The following PTPRD variants were observed in gnomAD, a reference collection of about 807,000 sequenced individuals.
PTPRD encodes the protein receptor-type tyrosine-protein phosphatase delta.
A neutral mutation model predicts 214.5 loss-of-function variants in PTPRD; 34 were observed. The observed-to-expected ratio is 0.16, with a 90% CI of 0.12 to 0.21. The LOEUF (loss-of-function observed/expected upper bound fraction) is 0.21. Ranked by LOEUF, PTPRD falls within the 10% of genes least tolerant of loss-of-function variation. PTPRD has a pLI of 1.00. For synonymous variants in PTPRD, 1,128 were observed against 845.7 expected, an observed-to-expected ratio of 1.33 and a Z score of -5.79; for missense variants, 2,545 against 2,398.7, an observed-to-expected ratio of 1.06 and a Z score of -1.27.
In PTPRD at chr9:8,964,726, G is replaced by A. The variant is rs549433676; in HGVS notation, c.-104+53971C>T. Reference sequence around the variant, plus strand: ...CTTTCCTCTTACCACTGCTTTTGCTGCATCCCAGAGATTTTGTTTTGTTGT... The same window carrying A: ...CTTTCCTCTTACCACTGCTTTTGCTACATCCCAGAGATTTTGTTTTGTTGT... On this transcript the variant is annotated intron_variant, in intron 11 of 45. Coordinates refer to ENST00000381196, the MANE Select transcript of PTPRD (RefSeq NM_002839.4). Among the ~76,000 whole-genome samples, 102 of 152,176 alleles carry A rather than the reference G, an allele frequency of 6.7e-4. 1 individual carries two copies. Among genetic ancestry groups the A allele is most frequent in the African/African-American group, 2.4e-3 (100 of 41,546 alleles).
At chr9:9,587,660 A>G (rs563079665) in intron 7 of PTPRD, among the ~76,000 whole-genome samples, 1 of 152,090 alleles carries the variant, frequency 6.6e-6, no homozygotes, top group South Asian at 2.1e-4. Flanking sequence ...ATCCAAAATT[A>G]GCATTTCTAA....
At chr9:9,049,866 A>G (rs890217525) in intron 10 of PTPRD, among the ~76,000 whole-genome samples, 41 of 152,222 alleles carry the variant, frequency 2.7e-4, no homozygotes, top group Non-Finnish European at 4.9e-4. Flanking sequence ...CTCCATTTCA[A>G]TAAAATGAAA....
rs1171141711 is a variant in PTPRD at position 9,790,428 on chromosome 9, CCTAA to C, written c.-367-23581_-367-23578del. 6.6e-5 allele frequency among the ~76,000 whole-genome samples: 10 copies of C among 152,164 alleles called. No homozygotes were observed. The East Asian group carries it at 1.9e-3, about 29-fold the overall frequency. On this transcript the variant is annotated intron_variant, in intron 5 of 45. Coordinates refer to ENST00000381196, the MANE Select transcript of PTPRD (RefSeq NM_002839.4). ...TTGTTTTCTCTATGAAATCTTAAAA[CCTAA>C]CTAAGGCTTTGCTGCCCACTGCAGG...
At chr9:9,599,863 G>A (rs1310617191) in intron 7 of PTPRD, among the ~76,000 whole-genome samples, 2 of 151,904 alleles carry the variant, frequency 1.3e-5, no homozygotes, top group East Asian at 3.9e-4. Flanking sequence ...AATATTTAAA[G>A]ACTTTATGAA....
intron 6 of PTPRD, among the ~76,000 whole-genome samples, chr9:9,747,957 T>A (rs2098475134): frequency 6.6e-6 from 1 of 152,152 alleles, no homozygotes; most frequent in Non-Finnish European, 1.5e-5. Context: ...TTCCTCTGAG[T>A]CACTGTCCAT....
intron 7 of PTPRD, among the ~76,000 whole-genome samples, chr9:9,733,851 A>C (rs1038968228): frequency 6.6e-6 from 1 of 152,164 alleles, no homozygotes; most frequent in Non-Finnish European, 1.5e-5. Flanking sequence ...CAATGTATGA[A>C]TGTGATAGTG....
chr9:10,011,583 T>C (rs967243459), intron 4 of PTPRD, among the ~76,000 whole-genome samples: 1 of 151,946 alleles, frequency 6.6e-6, no homozygotes, highest in Non-Finnish European at 1.5e-5. Flanking sequence ...TGCTGATAAA[T>C]ACCCAGTGCA....
chr9:9,243,093 T>G (rs1015690317), intron 9 of PTPRD, among the ~76,000 whole-genome samples: 19 of 152,232 alleles, frequency 1.2e-4, no homozygotes, highest in African/African-American at 4.6e-4. Context: ...TGTTGGAGTT[T>G]CCTGGAGGTC....
chr9:10,416,265 G>A (rs1408925358), intron 2 of PTPRD, among the ~76,000 whole-genome samples: 1 of 151,938 alleles, frequency 6.6e-6, no homozygotes, highest in Admixed American at 6.6e-5. Context: ...GGCTGAGGCA[G>A]GAGAATTGCT....
In PTPRD at chr9:8,326,243, C is replaced by A. The variant is rs141443948; in HGVS notation, c.5534+5339G>T. On this transcript the variant is annotated intron_variant, in intron 44 of 45. Coordinates refer to ENST00000381196, the MANE Select transcript of PTPRD (RefSeq NM_002839.4). ...GCTCTTCTTCTTTTGAGATACGTTC[C>A]ATCAGTACCTAGTTTTTTGAGAGTT... is the stretch of plus-strand genomic sequence containing the variant. Among the ~76,000 whole-genome samples the A allele has an allele frequency of 8.9e-3, 1,357 of 152,206 alleles. 7 individuals carry two copies. Among genetic ancestry groups the A allele is most frequent in the East Asian group, 0.026 (135 of 5,182 alleles).
chr9:10,176,191 T>A (rs2099247660), intron 3 of PTPRD, among the ~76,000 whole-genome samples: 1 of 152,012 alleles, frequency 6.6e-6, no homozygotes, highest in Non-Finnish European at 1.5e-5. Flanking sequence ...ATATTACATG[T>A]AAATCCAGTA....
chr9:9,756,958 A>G (rs866671242), intron 6 of PTPRD, among the ~76,000 whole-genome samples: 1 of 152,178 alleles, frequency 6.6e-6, no homozygotes, highest in Non-Finnish European at 1.5e-5. Context: ...AGCTCATTTT[A>G]CCTGGAAAGT....
chr9:10,236,249 G>A (rs10958968), intron 3 of PTPRD, among the ~76,000 whole-genome samples: 51,720 of 151,490 alleles, frequency 0.34, 11,198 homozygotes, highest in Non-Finnish European at 0.49. Context: ...GTTTGATACA[G>A]ATTTAATTGG....
chr9:10,438,531 G>A (rs984317154), intron 2 of PTPRD, among the ~76,000 whole-genome samples: 1 of 151,604 alleles, frequency 6.6e-6, no homozygotes, highest in Non-Finnish European at 1.5e-5. Flanking sequence ...CGATGTTTTT[G>A]TTTCCGCCAC....
At chr9:9,180,286 T>C (rs1447863805) in intron 10 of PTPRD, among the ~76,000 whole-genome samples, 2 of 151,968 alleles carry the variant, frequency 1.3e-5, no homozygotes, top group Non-Finnish European at 2.9e-5. Flanking sequence ...GATGAGTTCA[T>C]GTCTTTTGCA....
chr9:9,889,141 G>A (rs540732810), intron 5 of PTPRD, among the ~76,000 whole-genome samples: 25 of 152,192 alleles, frequency 1.6e-4, no homozygotes, highest in Admixed American at 2.6e-4. Flanking sequence ...GAGGAAGTTG[G>A]GGAGATGTAG....
intron 9 of PTPRD, among the ~76,000 whole-genome samples, chr9:9,210,508 T>C (rs544683209): frequency 6.6e-6 from 1 of 152,350 alleles, no homozygotes; most frequent in South Asian, 2.1e-4. Flanking sequence ...AACATAACTT[T>C]TGAACTTTAT....
At chr9:10,128,791 C>A (rs1484004704) in intron 3 of PTPRD, among the ~76,000 whole-genome samples, 1 of 152,090 alleles carries the variant, frequency 6.6e-6, no homozygotes, top group Non-Finnish European at 1.5e-5. Flanking sequence ...GAGCTCTTGG[C>A]AAACTTCAAT....
chr9:8,542,243 C>T (rs1372069193), intron 14 of PTPRD, among the ~76,000 whole-genome samples: 2 of 151,978 alleles, frequency 1.3e-5, no homozygotes, highest in Admixed American at 6.6e-5. Flanking sequence ...GAGTGTATGT[C>T]GCTTATCACA....
Sources: gnomAD v4.1 joint callset for allele counts (sites outside exome capture counted in the v4.1 genomes callset) on GRCh38, gnomAD v4.1.1 for gene constraint, MANE v1.5 for transcripts, NCBI Gene and HGNC (gene_info 2026-07-23, HGNC 2026-07-21) for gene names.